The following DLGAP2 variants were observed in gnomAD, a reference collection of about 807,000 sequenced individuals.
DLGAP2 encodes disks large-associated protein 2.
DLGAP2 carries 26 observed loss-of-function variants against 100.3 expected under a neutral mutation model. The observed-to-expected ratio is 0.26, with a 90% CI of 0.19 to 0.36. The LOEUF (loss-of-function observed/expected upper bound fraction) is 0.36, where lower values mean the gene tolerates loss of function less well. Ranked by LOEUF, DLGAP2 falls within the 10% of genes least tolerant of loss-of-function variation. DLGAP2 has a pLI of 1.00. For synonymous variants in DLGAP2, 886 were observed against 630.1 expected, an observed-to-expected ratio of 1.41 and a Z score of -6.08; for missense variants, 1,858 against 1,453.2, an observed-to-expected ratio of 1.28 and a Z score of -4.53.
chr8:1,288,751 G>T (rs1039892083), intron 3 of DLGAP2, among the ~76,000 whole-genome samples: 1 of 149,982 alleles, frequency 6.7e-6, no homozygotes, highest in Non-Finnish European at 1.5e-5. Flanking sequence ...GTGGTTGTTA[G>T]GAGGGGAACT....
intron 3 of DLGAP2, among the ~76,000 whole-genome samples, chr8:1,421,562 A>G (rs939042973): frequency 3.9e-5 from 6 of 152,264 alleles, no homozygotes; most frequent in Non-Finnish European, 7.3e-5. Flanking sequence ...CATTAAAGTT[A>G]TGAATATTAT....
intron 2 of DLGAP2, among the ~76,000 whole-genome samples, chr8:1,194,612 G>T (rs1484405794): frequency 6.6e-6 from 1 of 152,212 alleles, no homozygotes; most frequent in African/African-American, 2.4e-5. Context: ...CAGCAGGGAA[G>T]ATTCTGGAAG....
chr8:1,229,165 C>G (rs538372495), intron 2 of DLGAP2, among the ~76,000 whole-genome samples: 26 of 151,796 alleles, frequency 1.7e-4, no homozygotes, highest in Admixed American at 3.3e-4. Flanking sequence ...TGTTATAAAA[C>G]TTATACTCTG....
chr8:1,646,315 C>T (rs2469730), intron 8 of DLGAP2, among the ~76,000 whole-genome samples: 1 of 152,188 alleles, frequency 6.6e-6, no homozygotes, highest in South Asian at 2.1e-4. Context: ...TCTCGGAACT[C>T]GTCAGCCTCA....
chr8:988,082 T>C (rs1412376290), intron 2 of DLGAP2, among the ~76,000 whole-genome samples: 2 of 152,210 alleles, frequency 1.3e-5, no homozygotes, highest in Non-Finnish European at 2.9e-5. Flanking sequence ...CATGGTTCTA[T>C]TCTCATAGGC....
chr8:1,092,322 G>A (rs1310318805), intron 2 of DLGAP2, among the ~76,000 whole-genome samples: 1 of 152,230 alleles, frequency 6.6e-6, no homozygotes, highest in Non-Finnish European at 1.5e-5. Flanking sequence ...CTGCTGATGT[G>A]CAATATGTGT....
chr8:1,310,830 G>T (rs1211245338), intron 3 of DLGAP2, among the ~76,000 whole-genome samples: 1 of 151,946 alleles, frequency 6.6e-6, no homozygotes. Flanking sequence ...GCTAATTTTT[G>T]TCAAAGTAAC....
chr8:1,306,074 C>CAAAAAA (rs61647224), intron 3 of DLGAP2, among the ~76,000 whole-genome samples: 45 of 116,440 alleles, frequency 3.9e-4, no homozygotes, highest in African/African-American at 1.3e-3. Context: ...AGAAATTAGG[C>CAAAAAA]AAAAAAAAAA....
chr8:1,514,252 A>C (rs142329996), intron 4 of DLGAP2, among the ~76,000 whole-genome samples: 172 of 152,292 alleles, frequency 1.1e-3, no homozygotes, highest in Admixed American at 2.0e-3. Context: ...CCTGAATTTA[A>C]ATGCAACTCT....
At chr8:1,670,172 T>C (rs1334978212) in intron 10 of DLGAP2, among the ~76,000 whole-genome samples, 1 of 152,186 alleles carries the variant, frequency 6.6e-6, no homozygotes, top group African/African-American at 2.4e-5. Flanking sequence ...CCCTCCAGGA[T>C]ATCCACCCAG....
chr8:914,252 G>A (rs1402922993), intron 2 of DLGAP2, among the ~76,000 whole-genome samples: 24 of 152,294 alleles, frequency 1.6e-4, no homozygotes, highest in Admixed American at 1.5e-3. Flanking sequence ...ATGCCCCGGA[G>A]CCTCCCCCGT....
At chr8:1,499,754 G>T (rs1799654140) in intron 3 of DLGAP2, among the ~76,000 whole-genome samples, 1 of 152,214 alleles carries the variant, frequency 6.6e-6, no homozygotes, top group Admixed American at 6.5e-5. Flanking sequence ...CCCATGAAAT[G>T]AACTCTTAGT....
chr8:1,392,934 A>G (rs1490540523), intron 3 of DLGAP2, among the ~76,000 whole-genome samples: 2 of 121,700 alleles, frequency 1.6e-5, no homozygotes, highest in African/African-American at 6.5e-5. Flanking sequence ...TTTTACAACT[A>G]TTCCCCCCAA....
At chr8:1,113,164 A>G (rs1805013415) in intron 2 of DLGAP2, among the ~76,000 whole-genome samples, 1 of 152,166 alleles carries the variant, frequency 6.6e-6, no homozygotes, top group Non-Finnish European at 1.5e-5. Context: ...CTTTTTGCTT[A>G]TGATGGCCTT....
At chr8:1,055,244 G>T (rs1471380220) in intron 2 of DLGAP2, among the ~76,000 whole-genome samples, 2 of 152,162 alleles carry the variant, frequency 1.3e-5, no homozygotes, top group South Asian at 2.1e-4. Flanking sequence ...GGTGGTTTCG[G>T]CCTGATGAGC....
intron 2 of DLGAP2, among the ~76,000 whole-genome samples, chr8:1,007,251 G>A (rs1414707962): frequency 1.3e-5 from 2 of 152,218 alleles, no homozygotes; most frequent in Non-Finnish European, 2.9e-5. Flanking sequence ...CTCTTCACGT[G>A]TCTGCACGGG....
At chr8:930,276 A>T in intron 2 of DLGAP2, among the ~76,000 whole-genome samples, 1 of 152,202 alleles carries the variant, frequency 6.6e-6, no homozygotes, top group South Asian at 2.1e-4. Context: ...GTGGTCATGG[A>T]ATCAGTGCAC....
chr8:1,064,061 C>T (rs1165716347), intron 2 of DLGAP2, among the ~76,000 whole-genome samples: 1 of 151,794 alleles, frequency 6.6e-6, no homozygotes, highest in African/African-American at 2.4e-5. Context: ...GGGTTTGCAG[C>T]CCAGGGCAGA....
chr8:814,850 CAAAAAAAAAA>C (rs34412684), intron 1 of DLGAP2, among the ~76,000 whole-genome samples: 5 of 61,868 alleles, frequency 8.1e-5, no homozygotes, highest in African/African-American at 3.3e-4. Flanking sequence ...GACTCCGTCT[CAAAAAAAAAA>C]AAAAAAAAAA....
Sources: allele counts gnomAD v4.1 joint callset (sites outside exome capture counted in the v4.1 genomes callset), GRCh38; gene constraint gnomAD v4.1.1; transcripts MANE v1.5; gene names NCBI Gene and HGNC (gene_info 2026-07-23, HGNC 2026-07-21).